The following YAF2 variants were observed in gnomAD, a reference collection of about 807,000 sequenced individuals.
YAF2 encodes the protein YY1 associated factor 2.
Under a neutral mutation model 20.1 loss-of-function variants are expected in YAF2, and 7 were observed. The observed-to-expected ratio is 0.35, with a 90% CI of 0.20 to 0.65. The LOEUF is 0.65. Among genes scored for constraint, YAF2 ranks in the 30% least tolerant of loss-of-function variants. The pLI is 0.69. For synonymous variants in YAF2, 74 were observed against 76.0 expected, an observed-to-expected ratio of 0.97 and a Z score of 0.14; for missense variants, 151 against 219.2, an observed-to-expected ratio of 0.69 and a Z score of 1.96.
chr12:42,168,025 TTAAG>T (rs1040414968), intron 2 of YAF2, among the ~76,000 whole-genome samples: 112 of 152,014 alleles, frequency 7.4e-4, no homozygotes, highest in African/African-American at 2.1e-3. Flanking sequence ...ATAAAATACT[TTAAG>T]TAATATTTAT....
chr12:42,193,225 G>A (rs1163598092), intron 2 of YAF2, among the ~76,000 whole-genome samples: 1 of 151,180 alleles, frequency 6.6e-6, no homozygotes, highest in African/African-American at 2.4e-5. Flanking sequence ...TGAGGCAGGC[G>A]AATCACTTGA....
chr12:42,215,911 C>T (rs561859912), intron 2 of YAF2, among the ~76,000 whole-genome samples: 3 of 150,904 alleles, frequency 2.0e-5, no homozygotes, highest in Non-Finnish European at 4.4e-5. Context: ...GGCGACAGAG[C>T]GAGATTCCAG....
chr12:42,185,339 T>C (rs757788249), intron 2 of YAF2, among the ~76,000 whole-genome samples: 8 of 152,244 alleles, frequency 5.3e-5, no homozygotes, highest in East Asian at 3.8e-4. Flanking sequence ...AATCTACTCC[T>C]GGTGAAGATG....
chr12:42,197,001 C>G (rs78941210), intron 2 of YAF2, among the ~76,000 whole-genome samples: 1,600 of 152,304 alleles, frequency 0.011, 29 homozygotes, highest in African/African-American at 0.037. Context: ...AAGGCAGTGT[C>G]TGTTTTGTTC....
chr12:42,211,195 G>A (rs2067197646), intron 2 of YAF2, among the ~76,000 whole-genome samples: 1 of 151,998 alleles, frequency 6.6e-6, no homozygotes, highest in Admixed American at 6.5e-5. Context: ...GGGAGGCTGA[G>A]GCAAGCAGAT....
In YAF2 at chr12:42,237,619, C is replaced by T; in HGVS notation, c.132G>A (p.Val44=). ...AEAFKCMMCD[V]RKGTSTRKPR... is the part of the protein sequence containing the mutation. Reference sequence around the variant, plus strand: ...CTCACCGGGTGGAGGTGCCCTTCCGCACATCGCACATCATGCACTTGAAGG... The same window carrying T: ...CTCACCGGGTGGAGGTGCCCTTCCGTACATCGCACATCATGCACTTGAAGG... The change falls in exon 2 of 4, where the codon GTG becomes GTA. Residue 44 remains valine, a synonymous_variant. Coordinates refer to ENST00000534854, the MANE Select transcript of YAF2 (RefSeq NM_005748.6). 2 of 1,547,752 alleles carry T rather than the reference C, an allele frequency of 1.3e-6. No homozygotes were observed. Among genetic ancestry groups the T allele is most frequent in the South Asian group, 1.2e-5 (1 of 82,982 alleles).
chr12:42,213,486 T>C (rs2067269223), intron 2 of YAF2, among the ~76,000 whole-genome samples: 1 of 152,186 alleles, frequency 6.6e-6, no homozygotes, highest in African/African-American at 2.4e-5. Context: ...AGTAAATAAT[T>C]TCTGTGTAAA....
intron 2 of YAF2, among the ~76,000 whole-genome samples, chr12:42,188,894 A>G (rs1335674521): frequency 2.0e-5 from 3 of 152,220 alleles, no homozygotes; most frequent in Admixed American, 6.5e-5. Flanking sequence ...TGGAGTCTCA[A>G]TTTGGTAGGG....
chr12:42,233,961 A>G, intron 2 of YAF2: 1 of 948,572 alleles, frequency 1.1e-6, no homozygotes, highest in Non-Finnish European at 1.3e-6. Flanking sequence ...ACCTGAGGTC[A>G]GGAGTTTGAG....
intron 2 of YAF2, among the ~76,000 whole-genome samples, chr12:42,195,256 T>C (rs2066720103): frequency 6.6e-6 from 1 of 152,250 alleles, no homozygotes; most frequent in Non-Finnish European, 1.5e-5. Context: ...TGAATCGATC[T>C]AATCAATGGA....
At chr12:42,206,891 A>G (rs2067059631) in intron 2 of YAF2, among the ~76,000 whole-genome samples, 1 of 152,182 alleles carries the variant, frequency 6.6e-6, no homozygotes, top group South Asian at 2.1e-4. Flanking sequence ...TCAAAGCCAT[A>G]GAAAAGTTGA....
At chr12:42,236,885 T>A (rs930340912) in intron 2 of YAF2, among the ~76,000 whole-genome samples, 11 of 152,194 alleles carry the variant, frequency 7.2e-5, no homozygotes, top group African/African-American at 2.7e-4. Flanking sequence ...TTCACTTAAT[T>A]CAAAGTCATT....
In YAF2 at chr12:42,227,977, G is replaced by A. The variant is rs1485465342; in HGVS notation, c.152+9622C>T. 2.1e-5 allele frequency among the ~76,000 whole-genome samples: 3 copies of A among 143,150 alleles called. No homozygotes were observed. In the East Asian group the frequency reaches 6.4e-4, roughly 31 times the overall value. The allele number at this position is 143,150 out of a possible 152,430, so 93.9% of individuals were successfully genotyped here. A position where few individuals can be genotyped will look rare whatever the true frequency, so the allele number is the denominator to read the frequency against. On this transcript the variant is annotated intron_variant, in intron 2 of 3. Coordinates refer to ENST00000534854, the MANE Select transcript of YAF2 (RefSeq NM_005748.6). Reference sequence around the variant, plus strand: ...ACCCTGTCCGGGAGGGAGGTGGGGGGGTCAGCCCCCCGCCTGGCCAGCCGC... The same window carrying A: ...ACCCTGTCCGGGAGGGAGGTGGGGGAGTCAGCCCCCCGCCTGGCCAGCCGC...
At chr12:42,224,288 A>G (rs1293584142) in intron 2 of YAF2, among the ~76,000 whole-genome samples, 1 of 152,214 alleles carries the variant, frequency 6.6e-6, no homozygotes, top group East Asian at 1.9e-4. Context: ...TATTTATAAT[A>G]TATTTTAGTT....
intron 2 of YAF2, chr12:42,231,625 T>A (rs1365576806): frequency 3.3e-5 from 5 of 152,236 alleles, no homozygotes; most frequent in Non-Finnish European, 5.9e-5. Context: ...ATTACAGTTT[T>A]GTAAAATCAT....
chr12:42,160,981 C>T (rs2065787381), intron 3 of YAF2, 155 bp from the exon 4 acceptor site: 7 of 622,872 alleles, frequency 1.1e-5, no homozygotes. Context: ...TAAAATGTTT[C>T]AACTCATTAA....
chr12:42,235,826 C>G, intron 2 of YAF2: 2 of 1,536,054 alleles, frequency 1.3e-6, no homozygotes, highest in Non-Finnish European at 1.7e-6. Context: ...GCCCACTTCT[C>G]TGTCCTGGGC....
chr12:42,214,405 G>T (rs1034066812), intron 2 of YAF2, among the ~76,000 whole-genome samples: 1 of 152,062 alleles, frequency 6.6e-6, no homozygotes, highest in Non-Finnish European at 1.5e-5. Context: ...CCAAGTAGCT[G>T]GGAAACCAGG....
At chr12:42,224,834 C>T (rs1002701145) in intron 2 of YAF2, among the ~76,000 whole-genome samples, 35 of 152,312 alleles carry the variant, frequency 2.3e-4, no homozygotes, top group African/African-American at 7.9e-4. Context: ...CTGCAATAAA[C>T]ATACGTGTGC....
Sources: allele counts gnomAD v4.1 joint callset (sites outside exome capture counted in the v4.1 genomes callset), GRCh38; gene constraint gnomAD v4.1.1; transcripts MANE v1.5; gene names NCBI Gene and HGNC (gene_info 2026-07-23, HGNC 2026-07-21).